Variants in KHDRBS2 observed in about 807,000 individuals in gnomAD.
KHDRBS2 encodes the protein KH RNA binding domain containing, signal transduction associated 2.
Under a neutral mutation model 44.3 loss-of-function variants are expected in KHDRBS2, and 26 were observed. The ratio of observed to expected loss-of-function variants is 0.59; its 90% confidence interval spans 0.43 to 0.81. The LOEUF is 0.81. Among genes scored for constraint, KHDRBS2 ranks in the 40% least tolerant of loss-of-function variants. The pLI, the probability that KHDRBS2 is intolerant of heterozygous loss-of-function variation, is 0.00. For synonymous variants in KHDRBS2, 194 were observed against 151.1 expected, an observed-to-expected ratio of 1.28 and a Z score of -2.08; for missense variants, 476 against 433.1, an observed-to-expected ratio of 1.10 and a Z score of -0.88.
chr6:61,933,387 A>C (rs1810449541), intron 4 of KHDRBS2, among the ~76,000 whole-genome samples: 2 of 152,330 alleles, frequency 1.3e-5, no homozygotes, highest in Admixed American at 1.3e-4. Context: ...GCTTGATTGT[A>C]TATCTTGGCA....
the KHDRBS2 span, among the ~76,000 whole-genome samples, chr6:61,609,912 G>A: frequency 2.6e-5 from 4 of 152,082 alleles, no homozygotes; most frequent in Admixed American, 6.5e-5. Flanking sequence ...GGTGGCTCAC[G>A]CCTAAAATCC....
chr6:61,750,162 A>T (rs1777455643), intron 6 of KHDRBS2, among the ~76,000 whole-genome samples: 1 of 152,220 alleles, frequency 6.6e-6, no homozygotes, highest in Non-Finnish European at 1.5e-5. Context: ...AATATCTTAA[A>T]TATAGAAAGA....
intron 2 of KHDRBS2, among the ~76,000 whole-genome samples, chr6:62,096,989 C>G (rs560752372): frequency 6.6e-6 from 1 of 151,762 alleles, no homozygotes; most frequent in African/African-American, 2.4e-5. Context: ...TCTTCATTTA[C>G]CTATTGGTTG....
chr6:61,889,347 C>A (rs1240996117), intron 6 of KHDRBS2, among the ~76,000 whole-genome samples: 1 of 152,158 alleles, frequency 6.6e-6, no homozygotes, highest in Non-Finnish European at 1.5e-5. Context: ...AGTGCCACAT[C>A]CTGTCCACCC....
At position 61,737,446 on chromosome 6, in the gene KHDRBS2, C is replaced by T. The variant is rs767981938; in HGVS notation, c.811-4682G>A. ...GTAAATATATATGTATGTATGTAAACGTATAGTACTGCAAAACAGTAAACT... is the reference window on the plus strand; with the variant it reads ...GTAAATATATATGTATGTATGTAAATGTATAGTACTGCAAAACAGTAAACT... On this transcript the variant is annotated intron_variant, in intron 6 of 8. Coordinates refer to ENST00000281156, the MANE Select transcript of KHDRBS2 (RefSeq NM_152688.4). Among the ~76,000 whole-genome samples the T allele has an allele frequency of 1.4e-4, 22 of 151,938 alleles. 1 individual carries two copies. The highest frequency in any genetic ancestry group is 3.1e-4 in the Non-Finnish European group (21 of 67,980).
the KHDRBS2 span, among the ~76,000 whole-genome samples, chr6:61,616,215 A>G: frequency 1.3e-5 from 2 of 152,250 alleles, no homozygotes; most frequent in East Asian, 3.9e-4. Context: ...GTGACTCAAA[A>G]GTGTAACCAA....
the KHDRBS2 span, among the ~76,000 whole-genome samples, chr6:61,554,150 C>T: frequency 1.3e-5 from 2 of 152,122 alleles, no homozygotes; most frequent in South Asian, 2.1e-4. Flanking sequence ...CTTCATAGGT[C>T]ACTAGAACTT....
chr6:61,686,899 C>CA (rs534792878), intron 8 of KHDRBS2, among the ~76,000 whole-genome samples: 5 of 149,818 alleles, frequency 3.3e-5, no homozygotes, highest in South Asian at 2.1e-4. Flanking sequence ...ATTAATTAGC[C>CA]AAAAAAAATG....
At chr6:61,543,572 A>G in the KHDRBS2 span, among the ~76,000 whole-genome samples, 746 of 152,174 alleles carry the variant, frequency 4.9e-3, 6 homozygotes, top group African/African-American at 0.017. Flanking sequence ...GAGCTACCAT[A>G]TGATCTTATC....
chr6:61,576,704 G>C, the KHDRBS2 span, among the ~76,000 whole-genome samples: 5 of 152,010 alleles, frequency 3.3e-5, no homozygotes, highest in East Asian at 9.6e-4. Flanking sequence ...TATATGCTTC[G>C]ATAAATTTTA....
chr6:62,024,749 C>A (rs2127284152), intron 3 of KHDRBS2, among the ~76,000 whole-genome samples: 1 of 151,532 alleles, frequency 6.6e-6, no homozygotes, highest in African/African-American at 2.4e-5. Context: ...CCGCTTTGAC[C>A]TTTTATTTTT....
chr6:62,030,539 AT>A (rs768190070), intron 3 of KHDRBS2, among the ~76,000 whole-genome samples: 11 of 152,090 alleles, frequency 7.2e-5, no homozygotes, highest in Non-Finnish European at 1.5e-4. Context: ...CTGAAAAAAA[AT>A]ATTTTCCAAA....
At chr6:61,806,880 T>C (rs907938575) in intron 6 of KHDRBS2, among the ~76,000 whole-genome samples, 2 of 152,174 alleles carry the variant, frequency 1.3e-5, no homozygotes, top group African/African-American at 2.4e-5. Context: ...TTTTGATACA[T>C]GTATATATAC....
At chr6:61,599,752 A>T in the KHDRBS2 span, among the ~76,000 whole-genome samples, 8 of 152,300 alleles carry the variant, frequency 5.3e-5, no homozygotes, top group African/African-American at 1.9e-4. Context: ...TAGCCCATTC[A>T]GAAGACAGAA....
At chr6:61,862,059 AT>A (rs1488278879) in intron 6 of KHDRBS2, among the ~76,000 whole-genome samples, 2 of 152,008 alleles carry the variant, frequency 1.3e-5, no homozygotes, top group Non-Finnish European at 1.5e-5. Context: ...ATGCACATTG[AT>A]TTTATATACT....
chr6:61,744,742 T>A (rs1041339706), intron 6 of KHDRBS2, among the ~76,000 whole-genome samples: 1 of 152,132 alleles, frequency 6.6e-6, no homozygotes, highest in Non-Finnish European at 1.5e-5. Context: ...TGGATTCCTT[T>A]GTCTTCTAGA....
intron 6 of KHDRBS2, among the ~76,000 whole-genome samples, chr6:61,854,212 T>C (rs1372603083): frequency 1.3e-5 from 2 of 152,158 alleles, no homozygotes; most frequent in Non-Finnish European, 1.5e-5. Flanking sequence ...CTTGAAATTT[T>C]TTTTCTGTCT....
At chr6:61,592,163 C>T in the KHDRBS2 span, among the ~76,000 whole-genome samples, 7 of 143,644 alleles carry the variant, frequency 4.9e-5, no homozygotes, top group East Asian at 1.2e-3. Context: ...TGCACTCCAG[C>T]CTGGGTGACA....
chr6:61,656,900 T>C, the KHDRBS2 span, among the ~76,000 whole-genome samples: 1 of 152,042 alleles, frequency 6.6e-6, no homozygotes, highest in African/African-American at 2.4e-5. Flanking sequence ...TAAACTGTTT[T>C]AGATATGTTC....
Sources: allele counts gnomAD v4.1 joint callset (sites outside exome capture counted in the v4.1 genomes callset), GRCh38; gene constraint gnomAD v4.1.1; transcripts MANE v1.5; gene names NCBI Gene and HGNC (gene_info 2026-07-23, HGNC 2026-07-21).